The following OSBPL10 variants were observed in gnomAD, a reference collection of about 807,000 sequenced individuals.
The protein encoded by OSBPL10 is oxysterol-binding protein-related protein 10.
A neutral mutation model predicts 81.7 loss-of-function variants in OSBPL10; 49 were observed. The observed-to-expected ratio is 0.60, with a 90% CI of 0.48 to 0.76. OSBPL10 has a LOEUF of 0.76. OSBPL10 is among the 30% of genes least tolerant of loss of function. The pLI is 0.00. For synonymous variants in OSBPL10, 419 were observed against 383.6 expected, an observed-to-expected ratio of 1.09 and a Z score of -1.08; for missense variants, 923 against 987.8, an observed-to-expected ratio of 0.93 and a Z score of 0.88.
chr3:31,924,031 A>T (rs912264539), intron 1 of OSBPL10, among the ~76,000 whole-genome samples: 14 of 152,204 alleles, frequency 9.2e-5, no homozygotes, highest in African/African-American at 3.4e-4. Context: ...AGCCTGGCCA[A>T]CATAGTGAAA....
chr3:31,761,727 A>G (rs1048493187), intron 4 of OSBPL10, among the ~76,000 whole-genome samples: 18 of 150,740 alleles, frequency 1.2e-4, no homozygotes, highest in African/African-American at 4.2e-4. Context: ...AGGCAGGAGA[A>G]TCACTTGAAC....
chr3:32,009,450 C>T lies in OSBPL10; in HGVS notation n.298+37041G>A, dbSNP rs117887797. On this transcript the variant is annotated intron_variant and non_coding_transcript_variant, in intron 2 of 3. Coordinates refer to the OSBPL10 transcript ENST00000479173. The stretch of plus-strand genomic sequence containing the variant: ...GCAAGTCACTTAAACTCTCAGGTGT[C>T]CTTATCTATAAAATGATACAGTCTT... 1.2e-3 allele frequency among the ~76,000 whole-genome samples: 184 copies of T among 152,250 alleles called. 5 individuals carry two copies. The East Asian group carries it at 0.031, about 26-fold the overall frequency.
At chr3:31,903,374 T>C (rs1360165580) in intron 1 of OSBPL10, among the ~76,000 whole-genome samples, 1 of 149,562 alleles carries the variant, frequency 6.7e-6, no homozygotes, top group Non-Finnish European at 1.5e-5. Context: ...GTTGCCCGGA[T>C]TGGAGTACAG....
intron 7 of OSBPL10, among the ~76,000 whole-genome samples, chr3:31,689,359 A>G (rs1182060487): frequency 2.0e-5 from 3 of 152,196 alleles, no homozygotes; most frequent in Admixed American, 6.5e-5. Flanking sequence ...AAAATTTACC[A>G]TGGGCTGAAT....
At chr3:31,815,852 T>C (rs1474921147) in intron 4 of OSBPL10, among the ~76,000 whole-genome samples, 1 of 152,102 alleles carries the variant, frequency 6.6e-6, no homozygotes, top group African/African-American at 2.4e-5. Flanking sequence ...CAAAATACAA[T>C]ATGTTATTGT....
At chr3:31,836,004 G>A (rs1449657478) in intron 3 of OSBPL10, among the ~76,000 whole-genome samples, 2 of 152,070 alleles carry the variant, frequency 1.3e-5, no homozygotes, top group African/African-American at 4.8e-5. Flanking sequence ...CTCCTCATTT[G>A]CATTGCTTTT....
At chr3:31,860,695 AGAT>A (rs1701036549) in intron 3 of OSBPL10, among the ~76,000 whole-genome samples, 1 of 152,100 alleles carries the variant, frequency 6.6e-6, no homozygotes, top group African/African-American at 2.4e-5. Context: ...TGTTGTTTTT[AGAT>A]GGAGTTTCAC....
chr3:31,743,841 T>C (rs1697434421), intron 5 of OSBPL10, among the ~76,000 whole-genome samples: 1 of 152,170 alleles, frequency 6.6e-6, no homozygotes, highest in African/African-American at 2.4e-5. Context: ...ACCTGGCACT[T>C]CTTAGACATA....
chr3:31,965,807 T>A, intron 1 of OSBPL10, among the ~76,000 whole-genome samples: 1 of 62,372 alleles, frequency 1.6e-5, no homozygotes. Flanking sequence ...ATTATCTATT[T>A]ATATAATATA....
intron 1 of OSBPL10, among the ~76,000 whole-genome samples, chr3:31,882,671 A>G (rs1205781061): frequency 5.3e-5 from 8 of 151,122 alleles, no homozygotes; most frequent in African/African-American, 1.7e-4. Context: ...GCACACACGC[A>G]CACACACACA....
intron 3 of OSBPL10, among the ~76,000 whole-genome samples, chr3:31,859,068 A>G (rs924533050): frequency 2.6e-5 from 4 of 152,212 alleles, no homozygotes; most frequent in African/African-American, 9.7e-5. Context: ...AGAAGTGAAA[A>G]CTGAGGCTAA....
At chr3:32,008,656 GA>G (rs1341016694) in intron 2 of OSBPL10, among the ~76,000 whole-genome samples, 47 of 151,292 alleles carry the variant, frequency 3.1e-4, no homozygotes, top group Non-Finnish European at 5.3e-4. Context: ...AGGCTGAAGT[GA>G]GAGGATCGCT....
At chr3:31,908,531 G>A (rs1157815715) in intron 1 of OSBPL10, among the ~76,000 whole-genome samples, 1 of 152,140 alleles carries the variant, frequency 6.6e-6, no homozygotes, top group Non-Finnish European at 1.5e-5. Context: ...AGGCAAGATG[G>A]CCAGCCCAGG....
chr3:31,795,724 C>G (rs1427903648), intron 4 of OSBPL10: 1 of 220,116 alleles, frequency 4.5e-6, no homozygotes, highest in Non-Finnish European at 1.0e-5. Flanking sequence ...CAGGTCTCAC[C>G]TCCTCACTGA....
At chr3:31,949,955 G>A (rs1054644737) in intron 1 of OSBPL10, among the ~76,000 whole-genome samples, 31 of 152,220 alleles carry the variant, frequency 2.0e-4, no homozygotes, top group African/African-American at 7.0e-4. Context: ...TATGCAGTGG[G>A]TTGAAGTAGC....
At chr3:31,965,442 T>C (rs1468859132) in intron 1 of OSBPL10, among the ~76,000 whole-genome samples, 1 of 75,896 alleles carries the variant, frequency 1.3e-5, no homozygotes, top group African/African-American at 1.1e-4. Flanking sequence ...ATATAATATA[T>C]ATTATATAAT....
intron 1 of OSBPL10, among the ~76,000 whole-genome samples, chr3:31,905,096 G>T (rs1696364632): frequency 6.6e-6 from 1 of 152,280 alleles, no homozygotes; most frequent in East Asian, 1.9e-4. Context: ...TGGCACACAG[G>T]AAGTATAATA....
At chr3:31,929,455 A>T (rs1312703771) in intron 1 of OSBPL10, among the ~76,000 whole-genome samples, 9 of 152,228 alleles carry the variant, frequency 5.9e-5, no homozygotes, top group Non-Finnish European at 1.5e-5. Flanking sequence ...GGTTACAAAA[A>T]GTAAAATATC....
intron 1 of OSBPL10, among the ~76,000 whole-genome samples, chr3:32,076,821 T>C (rs1247073383): frequency 6.6e-6 from 1 of 151,910 alleles, no homozygotes; most frequent in Non-Finnish European, 1.5e-5. Context: ...GCTGTCCTCT[T>C]GTGGCTGAGT....
Sources: allele counts gnomAD v4.1 joint callset (sites outside exome capture counted in the v4.1 genomes callset), GRCh38; gene constraint gnomAD v4.1.1; transcripts MANE v1.5; gene names NCBI Gene and HGNC (gene_info 2026-07-23, HGNC 2026-07-21).